Variants in PALM2AKAP2 observed in about 807,000 individuals in gnomAD.
PALM2AKAP2 encodes PALM2 and AKAP2 fusion.
Under a neutral mutation model 71.5 loss-of-function variants are expected in PALM2AKAP2, and 37 were observed. That is an observed-to-expected ratio of 0.52 (90% confidence interval 0.40 to 0.68). PALM2AKAP2 has a LOEUF of 0.68. PALM2AKAP2 is among the 30% of genes least tolerant of loss of function. The pLI is 0.00. For missense variants in PALM2AKAP2, 1,224 were observed against 1,191.8 expected (o/e 1.03, Z -0.40); for synonymous variants, 468 against 478.8 (o/e 0.98, Z 0.29).
exon 2 of PALM2AKAP2, chr9:110,137,058 A>C: frequency 6.2e-7 from 1 of 1,614,086 alleles, no homozygotes; most frequent in Non-Finnish European, 8.5e-7. Context: ...AGAAGGGCAC[A>C]GCAGGAACAG....
chr9:109,923,874 C>A, intron 4 of PALM2AKAP2, 25 bp downstream of exon 4: 1 of 1,548,296 alleles, frequency 6.5e-7, no homozygotes, highest in South Asian at 1.2e-5. Flanking sequence ...AACGATTTCT[C>A]AAAGTTATTT....
intron 1 of PALM2AKAP2, among the ~76,000 whole-genome samples, chr9:110,070,973 C>T (rs1400120333): frequency 6.6e-6 from 1 of 151,772 alleles, no homozygotes. Flanking sequence ...ACCAGCCTGG[C>T]CAACGTGGTG....
chr9:109,750,602 A>ATG (rs1373815457), intron 1 of PALM2AKAP2, among the ~76,000 whole-genome samples: 7 of 58,168 alleles, frequency 1.2e-4, no homozygotes, highest in Middle Eastern at 0.01. Context: ...GTGTGTGTGT[A>ATG]TGTGTGTGTG....
intron 1 of PALM2AKAP2, among the ~76,000 whole-genome samples, chr9:109,864,870 A>G (rs1430567591): frequency 6.6e-6 from 1 of 152,174 alleles, no homozygotes; most frequent in Non-Finnish European, 1.5e-5. Context: ...CTGCAATGAC[A>G]TTGCATTGTC....
intron 2 of PALM2AKAP2, among the ~76,000 whole-genome samples, chr9:110,147,705 C>T (rs929038852): frequency 5.3e-5 from 8 of 152,068 alleles, no homozygotes; most frequent in Admixed American, 3.9e-4. Flanking sequence ...TTGAGTTCAA[C>T]GCTGCTGTGA....
At chr9:110,143,230 A>G (rs2119143292) in intron 2 of PALM2AKAP2, among the ~76,000 whole-genome samples, 1 of 151,230 alleles carries the variant, frequency 6.6e-6, no homozygotes, top group East Asian at 1.9e-4. Context: ...CCTGGGCAAC[A>G]TAGCAAGTCC....
chr9:109,966,767 A>C (rs976000553), intron 6 of PALM2AKAP2, among the ~76,000 whole-genome samples: 1 of 152,208 alleles, frequency 6.6e-6, no homozygotes, highest in Non-Finnish European at 1.5e-5. Context: ...AAAGCTTAAC[A>C]TGCATGTGAA....
intron 1 of PALM2AKAP2, among the ~76,000 whole-genome samples, chr9:110,065,134 C>T (rs1167630986): frequency 6.6e-6 from 1 of 152,244 alleles, no homozygotes. Context: ...AGCAGCCTGA[C>T]AGCCCCATGG....
intron 6 of PALM2AKAP2, among the ~76,000 whole-genome samples, chr9:109,955,441 C>A (rs925562009): frequency 6.6e-5 from 10 of 152,214 alleles, no homozygotes; most frequent in Middle Eastern, 3.4e-3. Flanking sequence ...AAGTTTCATT[C>A]CCAGGAAAAT....
At chr9:109,655,519 T>C (rs1827291267) in intron 1 of PALM2AKAP2, among the ~76,000 whole-genome samples, 1 of 152,156 alleles carries the variant, frequency 6.6e-6, no homozygotes, top group African/African-American at 2.4e-5. Context: ...ACATTAACCA[T>C]GTTGTGCAAT....
At chr9:110,015,704 C>G (rs1832969207) in intron 6 of PALM2AKAP2, among the ~76,000 whole-genome samples, 1 of 152,134 alleles carries the variant, frequency 6.6e-6, no homozygotes, top group Non-Finnish European at 1.5e-5. Flanking sequence ...AGGAATAGCT[C>G]TCTATAAGAT....
At chr9:110,087,214 T>C (rs1201284958) in intron 1 of PALM2AKAP2, among the ~76,000 whole-genome samples, 2 of 152,202 alleles carry the variant, frequency 1.3e-5, no homozygotes, top group African/African-American at 4.8e-5. Flanking sequence ...CCTTTGTTGA[T>C]CACCCCAGGA....
At chr9:110,021,620 A>G (rs1390691536) in intron 7 of PALM2AKAP2, among the ~76,000 whole-genome samples, 1 of 152,124 alleles carries the variant, frequency 6.6e-6, no homozygotes, top group Non-Finnish European at 1.5e-5. Context: ...TTTTGGGAGA[A>G]CCACTAACTT....
At chr9:109,925,070 A>G (rs903541032) in exon 5 of PALM2AKAP2, 1 of 1,614,178 alleles carries the variant, frequency 6.2e-7, no homozygotes. Context: ...GGGTTTCTCC[A>G]GTACGGATGG....
chr9:109,889,933 C>T (rs1830048210), intron 3 of PALM2AKAP2, among the ~76,000 whole-genome samples: 1 of 152,192 alleles, frequency 6.6e-6, no homozygotes, highest in Admixed American at 6.5e-5. Context: ...GCAAAGTCAA[C>T]TTTTTTGGTA....
chr9:109,918,255 A>G (rs138020771), intron 3 of PALM2AKAP2, among the ~76,000 whole-genome samples: 35 of 152,354 alleles, frequency 2.3e-4, no homozygotes, highest in African/African-American at 8.2e-4. Flanking sequence ...AAACTTTGAA[A>G]TAAGAGCATG....
chr9:110,087,371 C>G (rs7851911), intron 1 of PALM2AKAP2, among the ~76,000 whole-genome samples: 35,522 of 152,118 alleles, frequency 0.23, 5,239 homozygotes, highest in East Asian at 0.41. Context: ...AGTACCTGAC[C>G]CAGCTCATTC....
chr9:109,848,860 A>T (rs1044719033), intron 1 of PALM2AKAP2, among the ~76,000 whole-genome samples: 2 of 151,862 alleles, frequency 1.3e-5, no homozygotes, highest in African/African-American at 4.8e-5. Context: ...TCGAGGCTGC[A>T]ATGAGCTATG....
intron 3 of PALM2AKAP2, among the ~76,000 whole-genome samples, chr9:109,912,160 A>G (rs1172287257): frequency 6.6e-6 from 1 of 152,058 alleles, no homozygotes; most frequent in Non-Finnish European, 1.5e-5. Flanking sequence ...CAGAACATGG[A>G]GGGTGTGAAC....
Sources: allele counts gnomAD v4.1 joint callset (sites outside exome capture counted in the v4.1 genomes callset), GRCh38; gene constraint gnomAD v4.1.1; transcripts MANE v1.5; gene names NCBI Gene and HGNC (gene_info 2026-07-23, HGNC 2026-07-21).